The following MCTP1 variants were observed in gnomAD, a reference collection of about 807,000 sequenced individuals.
The protein encoded by MCTP1 is multiple C2 and transmembrane domain-containing protein 1.
MCTP1 carries 69 observed loss-of-function variants against 120.6 expected under a neutral mutation model. The observed-to-expected ratio is 0.57, with a 90% CI of 0.47 to 0.70. MCTP1 has a LOEUF of 0.70. MCTP1 is among the 30% of genes least tolerant of loss of function. The probability of loss-of-function intolerance (pLI) is 0.00; values close to 1 mark genes in which losing one functional copy is unlikely to be tolerated. For missense variants in MCTP1, 1,203 were observed against 1,248.8 expected (o/e 0.96, Z 0.55); for synonymous variants, 529 against 493.1 (o/e 1.07, Z -0.96).
chr5:94,942,724 A>C (rs1182535131), intron 3 of MCTP1, among the ~76,000 whole-genome samples: 1 of 152,126 alleles, frequency 6.6e-6, no homozygotes, highest in East Asian at 1.9e-4. Context: ...GAAAAAGCAT[A>C]GAATTCAACA....
At chr5:94,784,177 G>A (rs944673351) in intron 18 of MCTP1, among the ~76,000 whole-genome samples, 1 of 152,034 alleles carries the variant, frequency 6.6e-6, no homozygotes. Context: ...ATTTGGATAC[G>A]TTGCAAACTA....
chr5:94,990,579 G>C (rs540779749), intron 2 of MCTP1, among the ~76,000 whole-genome samples: 8 of 152,152 alleles, frequency 5.3e-5, no homozygotes, highest in African/African-American at 1.9e-4. Flanking sequence ...ACTTGATTAA[G>C]ACCACCAAAG....
chr5:95,146,527 A>C (rs559427249), intron 1 of MCTP1, among the ~76,000 whole-genome samples: 95 of 152,186 alleles, frequency 6.2e-4, no homozygotes, highest in Non-Finnish European at 1.1e-3. Context: ...TTAGCACTAT[A>C]AACTTTCCTC....
At chr5:94,708,301 A>T (rs1008817882) in intron 22 of MCTP1, 2 of 388,530 alleles carry the variant, frequency 5.1e-6, no homozygotes, top group Non-Finnish European at 9.3e-6. Flanking sequence ...TAGGTTCTTT[A>T]TGCAACTGCT....
At position 95,284,566 on chromosome 5, in the gene MCTP1, G is replaced by A; in HGVS notation, c.10C>T (p.Arg4Trp). 1 of 1,437,474 alleles carries A rather than the reference G, an allele frequency of 7.0e-7. No homozygotes were observed. Among genetic ancestry groups the A allele is most frequent in the Non-Finnish European group, 9.0e-7 (1 of 1,108,694 alleles). The allele number at this position is 1,437,474 out of a possible 1,614,324, so 89.0% of individuals were successfully genotyped here. MEP[R>W]AAAAGEPEPP... ...TCTGGCTCGCCCGCCGCGGCAGCCCGGGGCTCCATCCTCCACCCCCTGCTC... is the reference window on the plus strand; with the variant it reads ...TCTGGCTCGCCCGCCGCGGCAGCCCAGGGCTCCATCCTCCACCCCCTGCTC... The change falls in exon 1 of 23, where the codon CGG becomes TGG. Residue 4 changes from arginine to tryptophan, a missense_variant. Transcript: ENST00000515393. This position sits in a 1 kb window ranked among gnomAD's most constrained non-coding sequence, Gnocchi z 5.2.
chr5:95,068,942 T>C (rs1751393015), intron 1 of MCTP1: 1 of 364,846 alleles, frequency 2.7e-6, no homozygotes, highest in Non-Finnish European at 4.3e-6. Context: ...CAGGGGAAGA[T>C]TGTGAGCAGG....
At chr5:95,171,377 C>G (rs1039639132) in intron 1 of MCTP1, among the ~76,000 whole-genome samples, 2 of 152,144 alleles carry the variant, frequency 1.3e-5, no homozygotes, top group Non-Finnish European at 2.9e-5. Flanking sequence ...GTGAATCTGA[C>G]AATTATGTGT....
Position 94,708,541 on chromosome 5 carries a change from G to C in MCTP1, c.2899C>G (p.Leu967Val). Residue 967 changes from leucine (L) to valine (V), a missense_variant, in exon 22 of 23, where the codon CTT (leucine) becomes GTT (valine). Physicochemically the swap from Leu to Val is conservative, Grantham distance 32. Around this residue, in one of 2 missense-constraint regions of MCTP1, gnomAD observed 740 missense variants for 871.1 expected, o/e 0.85. Coordinates refer to ENST00000515393, the MANE Select transcript of MCTP1 (RefSeq NM_024717.7). Reference sequence around the variant, plus strand: ...TGTACATCTGAAGGGACTCTGGAAAGGAAGTCAAGTAGTTCATTGTTATCA... The same window carrying C: ...TGTACATCTGAAGGGACTCTGGAAACGAAGTCAAGTAGTTCATTGTTATCA... ...AIDNNELLDF[L>V]SRVPSDVQVV... 6.2e-7 allele frequency: 1 copy of C among 1,610,094 alleles called. No individual in the cohort carries two copies. Among genetic ancestry groups the C allele is most frequent in the Non-Finnish European group, 8.5e-7 (1 of 1,176,978 alleles).
At chr5:94,818,371 G>C (rs1399821217) in intron 17 of MCTP1, among the ~76,000 whole-genome samples, 1 of 152,186 alleles carries the variant, frequency 6.6e-6, no homozygotes, top group East Asian at 1.9e-4. Flanking sequence ...GCCCCCATCA[G>C]ACATAATTAG....
intron 1 of MCTP1, among the ~76,000 whole-genome samples, chr5:95,057,840 C>T (rs1056527210): frequency 3.3e-5 from 5 of 152,118 alleles, no homozygotes; most frequent in African/African-American, 7.2e-5. Context: ...AATGTCAAAC[C>T]GGAAGAATGG....
rs73142076 is a variant in MCTP1 at position 95,273,860 on chromosome 5, C to T, written c.720+9996G>A. Among the ~76,000 whole-genome samples, 1,468 of 152,254 alleles carry T rather than the reference C, an allele frequency of 9.6e-3. 16 individuals are homozygous for T. Among genetic ancestry groups the T allele is most frequent in the South Asian group, 0.029 (140 of 4,830 alleles). ...AAAAACATAAGAAAAGGGGAAAATA[C>T]GCTGTGATGAACTCTTTTTACTCCC... On this transcript the variant is annotated intron_variant, in intron 1 of 22. Transcript: ENST00000515393.
At chr5:95,156,613 T>C (rs576404475) in intron 1 of MCTP1, among the ~76,000 whole-genome samples, 2 of 152,278 alleles carry the variant, frequency 1.3e-5, no homozygotes, top group East Asian at 3.9e-4. Flanking sequence ...ACCCCAATAA[T>C]GATGCTGAAG....
chr5:95,169,907 T>C (rs941153676), intron 1 of MCTP1, among the ~76,000 whole-genome samples: 1 of 152,256 alleles, frequency 6.6e-6, no homozygotes, highest in Admixed American at 6.5e-5. Flanking sequence ...AGTTCTGCTC[T>C]GATCTTAGTT....
rs1189409858 is a variant in MCTP1, at chr5:95,071,023, A to T, written c.721-53539T>A. Among the ~76,000 whole-genome samples, 3 of 152,282 alleles carry T rather than the reference A, an allele frequency of 2.0e-5. No homozygotes were observed. In the East Asian group the frequency reaches 5.8e-4, roughly 29 times the overall value. The stretch of plus-strand genomic sequence containing the variant: ...CCAAGATGAGGAGGCAGGAAATCAG[A>T]GCCAAGCCAAATGGACTGGAACAAA... On this transcript the variant is annotated intron_variant, in intron 1 of 22. Transcript: ENST00000515393.
chr5:95,218,536 A>T (rs1412862247), intron 1 of MCTP1, among the ~76,000 whole-genome samples: 1 of 152,232 alleles, frequency 6.6e-6, no homozygotes, highest in East Asian at 1.9e-4. Flanking sequence ...ATCAAGGAGA[A>T]AAATTTCAGT....
intron 12 of MCTP1, among the ~76,000 whole-genome samples, chr5:94,886,964 T>C (rs893065425): frequency 6.6e-6 from 1 of 152,176 alleles, no homozygotes; most frequent in African/African-American, 2.4e-5. Context: ...GACTCAAATA[T>C]ATAGTCTTTC....
intron 19 of MCTP1, among the ~76,000 whole-genome samples, chr5:94,754,319 A>T (rs1769222929): frequency 1.3e-5 from 2 of 152,220 alleles, no homozygotes; most frequent in South Asian, 4.1e-4. Flanking sequence ...GTACATAATA[A>T]AAATGTATTG....
Position 94,913,002 on chromosome 5 carries a change from G to A in MCTP1, c.1351-26C>T, listed in dbSNP as rs747529568. On this transcript the variant is annotated intron_variant, in intron 8 of 22. Coordinates refer to ENST00000515393, the MANE Select transcript of MCTP1 (RefSeq NM_024717.7). ...CTTTTGGCAAATGAAAATTGAGTTA[G>A]GTTACTGTGTTTTAAACCCAAAAAC... 9 of 1,574,830 alleles carry A rather than the reference G, an allele frequency of 5.7e-6. No individual in the cohort carries two copies. The Admixed American group carries it at 1.7e-4, about 29-fold the overall frequency.
chr5:94,707,644 A>T (rs1755011305), intron 22 of MCTP1, 77 bp from the exon 23 acceptor site: 2 of 1,109,486 alleles, frequency 1.8e-6, no homozygotes. Context: ...AAGGAATGAG[A>T]GACGGTGCTT....
Sources: allele counts gnomAD v4.1 joint callset (sites outside exome capture counted in the v4.1 genomes callset), GRCh38; gene constraint gnomAD v4.1.1; regional missense constraint gnomAD v4.1.1; non-coding constraint Gnocchi (gnomAD v3.1); transcripts MANE v1.5; gene names NCBI Gene and HGNC (gene_info 2026-07-23, HGNC 2026-07-21).